The following CHMP5 variants were observed in gnomAD, a reference collection of about 807,000 sequenced individuals.
CHMP5 encodes the protein SNF7 domain containing 2.
Under a neutral mutation model 33.0 loss-of-function variants are expected in CHMP5, and 17 were observed. That is an observed-to-expected ratio of 0.52 (90% CI 0.35 to 0.77). CHMP5 has a LOEUF of 0.77. CHMP5 is among the 30% of genes least tolerant of loss of function. CHMP5 has a pLI of 0.01. For synonymous variants in CHMP5, 76 were observed against 90.2 expected (o/e 0.84, Z 0.89); for missense variants, 216 against 261.5 (o/e 0.83, Z 1.20).
intron 5 of CHMP5, among the ~76,000 whole-genome samples, chr9:33,272,554 C>T (rs1407011384): frequency 6.6e-6 from 1 of 152,130 alleles, no homozygotes; most frequent in Admixed American, 6.5e-5. Context: ...CCTGTAATCC[C>T]AGCACTTTGG....
At chr9:33,277,190 C>CAAAAAAAAAAAAAA in intron 6 of CHMP5, among the ~76,000 whole-genome samples, 1 of 53,378 alleles carries the variant, frequency 1.9e-5, no homozygotes, top group East Asian at 5.2e-4. Context: ...GACCTTCTCT[C>CAAAAAAAAAAAAAA]AAAAAAAAAA....
chr9:33,280,161 G>C (rs1820904920), intron 7 of CHMP5, among the ~76,000 whole-genome samples: 1 of 152,060 alleles, frequency 6.6e-6, no homozygotes, highest in South Asian at 2.1e-4. Flanking sequence ...GTTTTTAATA[G>C]AGATGGGATT....
chr9:33,271,283 G>C (rs567334184), intron 5 of CHMP5, 60 bp downstream of exon 5: 1 of 1,340,310 alleles, frequency 7.5e-7, no homozygotes, highest in East Asian at 2.3e-5. Context: ...ATCCAAACGA[G>C]TGTGCATGTG....
At chr9:33,279,268 T>G (rs1290689431) in intron 7 of CHMP5, among the ~76,000 whole-genome samples, 4 of 152,108 alleles carry the variant, frequency 2.6e-5, no homozygotes, top group South Asian at 2.1e-4. Context: ...TAGCAGAAAT[T>G]TATGTCTTCT....
At chr9:33,267,808 A>G (rs763231501) in intron 2 of CHMP5, 45 bp from the exon 3 acceptor site, 8 of 1,330,870 alleles carry the variant, frequency 6.0e-6, no homozygotes, top group Non-Finnish European at 7.6e-6. Context: ...TTTACCGTAT[A>G]TGTGTTTTCC....
chr9:33,277,233 T>TAGTGTGC (rs1321948864), intron 6 of CHMP5, among the ~76,000 whole-genome samples: 9 of 150,654 alleles, frequency 6.0e-5, no homozygotes, highest in Non-Finnish European at 1.0e-4. Context: ...GGCAAATACT[T>TAGTGTGC]AGTGTGCATC....
At chr9:33,271,113 A>T (rs747270384) in intron 4 of CHMP5, 39 bp from the exon 5 acceptor site, 1 of 1,409,486 alleles carries the variant, frequency 7.1e-7, no homozygotes, top group Non-Finnish European at 1.0e-6. Flanking sequence ...AACCAACATG[A>T]CTTACTAAAA....
At chr9:33,275,933 C>T (rs186920089) in intron 5 of CHMP5, among the ~76,000 whole-genome samples, 79 of 152,206 alleles carry the variant, frequency 5.2e-4, no homozygotes, top group East Asian at 9.6e-4. Flanking sequence ...CACTTGAACC[C>T]GGGAAGTGAA....
chr9:33,267,915 A>T lies in CHMP5; in HGVS notation c.221+16A>T. On this transcript the variant is annotated intron_variant, in intron 3 of 7. Transcript: ENST00000223500. Reference sequence around the variant, plus strand: ...AAAAGAGGATGTAAGTTACACACACAATTTCTACCTCTAGCAGGTTTAACT... The same window carrying T: ...AAAAGAGGATGTAAGTTACACACACTATTTCTACCTCTAGCAGGTTTAACT... 1 of 1,581,538 alleles carries T rather than the reference A, an allele frequency of 6.3e-7. No individual in the cohort carries two copies. Among genetic ancestry groups the T allele is most frequent in the African/African-American group, 1.3e-5 (1 of 74,336 alleles).
chr9:33,279,111 G>C (rs1820889720), intron 7 of CHMP5, among the ~76,000 whole-genome samples: 1 of 152,086 alleles, frequency 6.6e-6, no homozygotes, highest in Non-Finnish European at 1.5e-5. Context: ...TTTTAGTAGA[G>C]ACGGGGTTTC....
At chr9:33,277,914 C>T in intron 6 of CHMP5, 199 bp from the exon 7 acceptor site, 1 of 468,696 alleles carries the variant, frequency 2.1e-6, no homozygotes, top group Non-Finnish European at 3.9e-6. Context: ...CTGCTATTGT[C>T]ATTCCTCTTG....
rs557319453 is a variant in CHMP5 at position 33,277,923 on chromosome 9, T to G, written c.497-190T>G. 3.2e-4 allele frequency: 154 copies of G among 488,822 alleles called. 1 individual carries two copies. The South Asian group carries it at 3.8e-3, about 12-fold the overall frequency. The allele number at this position is 488,822 out of a possible 1,614,324, so 30.3% of individuals were successfully genotyped here. ...CTCTACCTGCTATTGTCATTCCTCT[T>G]GGCCACTTCCAACTCATTTTACCAC... is the stretch of plus-strand genomic sequence containing the variant. On this transcript the variant is annotated intron_variant, in intron 6 of 7. Coordinates refer to ENST00000223500, the MANE Select transcript of CHMP5 (RefSeq NM_016410.6).
intron 3 of CHMP5, among the ~76,000 whole-genome samples, chr9:33,270,029 G>T (rs1420618542): frequency 6.6e-6 from 1 of 152,120 alleles, no homozygotes; most frequent in Non-Finnish European, 1.5e-5. Context: ...ATGTTAAGTG[G>T]AAAATAGTGT....
At chr9:33,279,019 G>C (rs1220574466) in intron 7 of CHMP5, among the ~76,000 whole-genome samples, 1 of 152,112 alleles carries the variant, frequency 6.6e-6, no homozygotes, top group Non-Finnish European at 1.5e-5. Flanking sequence ...CGCCCCCCTG[G>C]TTCAAGCAAT....
intron 2 of CHMP5, among the ~76,000 whole-genome samples, chr9:33,266,555 A>C (rs1201726490): frequency 6.6e-6 from 1 of 152,172 alleles, no homozygotes; most frequent in Non-Finnish European, 1.5e-5. Context: ...AGGAGAAAAC[A>C]TGTGAGGGTG....
chr9:33,272,228 G>A (rs959289462), intron 5 of CHMP5, among the ~76,000 whole-genome samples: 10 of 151,896 alleles, frequency 6.6e-5, no homozygotes, highest in African/African-American at 2.2e-4. Context: ...ATAAAATGGC[G>A]CTCTTGACCT....
intron 6 of CHMP5, 136 bp downstream of exon 6, chr9:33,276,700 A>C: frequency 1.7e-6 from 1 of 598,162 alleles, no homozygotes; most frequent in South Asian, 2.1e-5. Flanking sequence ...GTCCCTGGGC[A>C]AAGAGCTTGT....
intron 4 of CHMP5, 26 bp downstream of exon 4, chr9:33,270,742 T>C: frequency 1.3e-6 from 2 of 1,516,812 alleles, no homozygotes; most frequent in Non-Finnish European, 1.8e-6. Flanking sequence ...CTTTTCCTGT[T>C]ATTTCATGTA....
Position 33,280,673 on chromosome 9 carries a change from C to T in CHMP5, c.610-136C>T, listed in dbSNP as rs971898982. 7 of 692,006 alleles carry T rather than the reference C, an allele frequency of 1.0e-5. No individual in the cohort carries two copies. The African/African-American group carries it at 1.3e-4, about 13-fold the overall frequency. 42.9% of individuals were successfully genotyped at this position (692,006 alleles called of 1,614,324 possible). ...TTTACCTTTCATGAAAAAGCTTGTTCTCATCTTATGACTGCGATTTTGGTT... is the reference window on the plus strand; with the variant it reads ...TTTACCTTTCATGAAAAAGCTTGTTTTCATCTTATGACTGCGATTTTGGTT... On this transcript the variant is annotated intron_variant, in intron 7 of 7. Transcript: ENST00000223500.
Sources: allele counts gnomAD v4.1 joint callset (sites outside exome capture counted in the v4.1 genomes callset), GRCh38; gene constraint gnomAD v4.1.1; transcripts MANE v1.5; gene names NCBI Gene and HGNC (gene_info 2026-07-23, HGNC 2026-07-21).